NR3C2: variants seen among roughly 807,000 people sequenced by gnomAD.
NR3C2 encodes the protein nuclear receptor subfamily 3 group C member 2, also known as mineralocorticoid receptor.
Under a neutral mutation model 86.4 loss-of-function variants are expected in NR3C2, and 15 were observed. That is an observed-to-expected ratio of 0.17 (90% confidence interval 0.12 to 0.27). The LOEUF is 0.27. Among genes scored for constraint, NR3C2 ranks in the 10% least tolerant of loss-of-function variants. The probability of loss-of-function intolerance (pLI) is 1.00; values close to 1 mark genes in which losing one functional copy is unlikely to be tolerated. For missense variants in NR3C2, 960 were observed against 1,195.6 expected, an observed-to-expected ratio of 0.80 and a Z score of 2.91; for synonymous variants, 458 against 450.5, an observed-to-expected ratio of 1.02 and a Z score of -0.21.
At chr4:148,344,492 G>C (rs7438918) in intron 2 of NR3C2, among the ~76,000 whole-genome samples, 106,342 of 152,004 alleles carry the variant, frequency 0.7, 38,224 homozygotes, top group African/African-American at 0.87. Context: ...ATACCAATAT[G>C]GTCCTCAAAG....
chr4:148,263,389 C>T (rs1277036093), intron 2 of NR3C2, among the ~76,000 whole-genome samples: 2 of 152,202 alleles, frequency 1.3e-5, no homozygotes, highest in African/African-American at 4.8e-5. Context: ...CCTGCTCAGT[C>T]CAGCTTTGCA....
Position 148,216,229 on chromosome 4 carries a change from C to T in NR3C2, c.1898-21367G>A, listed in dbSNP as rs899082726. ...ACAAAATATTTTTGACTCCCCACCACCCCCCCAACCATTTAGTTCCCAGTA... is the reference window on the plus strand; with the variant it reads ...ACAAAATATTTTTGACTCCCCACCATCCCCCCAACCATTTAGTTCCCAGTA... On this transcript the variant is annotated intron_variant, in intron 3 of 8. Transcript: ENST00000358102. Among the ~76,000 whole-genome samples the T allele has an allele frequency of 5.9e-5, 9 of 151,944 alleles. No individual in the cohort carries two copies. In the East Asian group the frequency reaches 1.5e-3, roughly 26 times the overall value.
chr4:148,386,409 T>C (rs1747264342), intron 2 of NR3C2, among the ~76,000 whole-genome samples: 1 of 152,190 alleles, frequency 6.6e-6, no homozygotes, highest in Admixed American at 6.5e-5. Flanking sequence ...AACCTGATGG[T>C]AATTTTTCAT....
At chr4:148,321,029 C>T (rs558213930) in intron 2 of NR3C2, among the ~76,000 whole-genome samples, 3,194 of 151,020 alleles carry the variant, frequency 0.021, 96 homozygotes, top group African/African-American at 0.074. Flanking sequence ...CTATAAATCT[C>T]CCTCTACACA....
intron 4 of NR3C2, among the ~76,000 whole-genome samples, chr4:148,190,564 T>C (rs1736148008): frequency 6.6e-6 from 1 of 152,252 alleles, no homozygotes; most frequent in Admixed American, 6.5e-5. Context: ...TTCCAAGGTA[T>C]AGTTTAAATC....
At chr4:148,226,911 G>C (rs550664874) in intron 3 of NR3C2, among the ~76,000 whole-genome samples, 2 of 152,220 alleles carry the variant, frequency 1.3e-5, no homozygotes, top group East Asian at 3.9e-4. Flanking sequence ...TCTTTGGGTA[G>C]TATTTTTAAT....
At position 148,185,230 on chromosome 4, in the gene NR3C2, G is replaced by A. The variant is rs1163600136; in HGVS notation, c.2014+9516C>T. ...CACAAAGAAAGGATAACTTGCCTGA[G>A]GTTACAAGGTCAGTGAGTGACAGAG... On this transcript the variant is annotated intron_variant, in intron 4 of 8. Coordinates refer to ENST00000358102, the MANE Select transcript of NR3C2 (RefSeq NM_000901.5). 5.9e-5 allele frequency among the ~76,000 whole-genome samples: 9 copies of A among 152,244 alleles called. No individual in the cohort carries two copies. In the South Asian group the frequency reaches 1.4e-3, roughly 24 times the overall value.
intron 2 of NR3C2, among the ~76,000 whole-genome samples, chr4:148,367,055 C>T (rs1235462310): frequency 6.6e-6 from 1 of 152,148 alleles, no homozygotes; most frequent in East Asian, 1.9e-4. Flanking sequence ...GTGTTACACT[C>T]TATAAACCCA....
At chr4:148,163,996 A>G (rs1734776805) in intron 4 of NR3C2, among the ~76,000 whole-genome samples, 1 of 152,218 alleles carries the variant, frequency 6.6e-6, no homozygotes, top group Non-Finnish European at 1.5e-5. Flanking sequence ...GGGGGTGAGA[A>G]GAGGATCGAC....
intron 2 of NR3C2, among the ~76,000 whole-genome samples, chr4:148,308,422 A>C (rs931332519): frequency 6.6e-6 from 1 of 152,062 alleles, no homozygotes; most frequent in African/African-American, 2.4e-5. Context: ...CCAGCATATA[A>C]AGTTGATGTA....
intron 4 of NR3C2, among the ~76,000 whole-genome samples, chr4:148,187,462 T>A (rs1323310381): frequency 6.6e-6 from 1 of 152,154 alleles, no homozygotes; most frequent in Non-Finnish European, 1.5e-5. Context: ...ATTAGTGATG[T>A]TGAGCATTTT....
chr4:148,176,868 A>G (rs965176619), intron 4 of NR3C2, among the ~76,000 whole-genome samples: 2 of 152,228 alleles, frequency 1.3e-5, no homozygotes, highest in Non-Finnish European at 2.9e-5. Flanking sequence ...TAATATGAAA[A>G]ATAATTATAT....
intron 4 of NR3C2, 56 bp downstream of exon 4, chr4:148,194,690 A>C: frequency 8.9e-7 from 1 of 1,120,408 alleles, no homozygotes; most frequent in Non-Finnish European, 1.3e-6. Context: ...CACAGATCTT[A>C]GTGCTGTTGC....
intron 6 of NR3C2, among the ~76,000 whole-genome samples, chr4:148,135,863 C>T (rs375986393): frequency 3.6e-4 from 55 of 150,782 alleles, no homozygotes; most frequent in African/African-American, 1.0e-3. Flanking sequence ...GAGACCATCC[C>T]GGCTAAAAAC....
chr4:148,351,433 G>A (rs551129217), intron 2 of NR3C2, among the ~76,000 whole-genome samples: 8 of 152,246 alleles, frequency 5.3e-5, no homozygotes, highest in East Asian at 1.9e-4. Flanking sequence ...GTGAGCCACC[G>A]CATCCAGCCT....
intron 2 of NR3C2, among the ~76,000 whole-genome samples, chr4:148,314,569 C>T (rs1028082963): frequency 1.3e-5 from 2 of 152,042 alleles, no homozygotes; most frequent in South Asian, 4.1e-4. Context: ...TTGAATAAAA[C>T]TGCATGCGTG....
rs576894657 is a variant in NR3C2 at position 148,342,238 on chromosome 4, C to T, written c.1758-82121G>A. 1.9e-4 allele frequency among the ~76,000 whole-genome samples: 29 copies of T among 152,162 alleles called. No individual in the cohort carries two copies. In the South Asian group the frequency reaches 2.3e-3, roughly 12 times the overall value. On this transcript the variant is annotated intron_variant, in intron 2 of 8. Transcript: ENST00000358102. ...TAGCGAAGTACGTGGCTTTTCTACA[C>T]GGCACAATAGTTCAAACTAGTACCA...
At chr4:148,185,165 G>A (rs1163289136) in intron 4 of NR3C2, among the ~76,000 whole-genome samples, 1 of 152,222 alleles carries the variant, frequency 6.6e-6, no homozygotes, top group Non-Finnish European at 1.5e-5. Flanking sequence ...TGAGAGGTAG[G>A]TATGCTGATC....
At chr4:148,416,347 G>A (rs945214108) in intron 2 of NR3C2, among the ~76,000 whole-genome samples, 1 of 152,126 alleles carries the variant, frequency 6.6e-6, no homozygotes, top group Non-Finnish European at 1.5e-5. Flanking sequence ...CTTACTATGG[G>A]ACAAGCACTT....
Sources: gnomAD v4.1 joint callset for allele counts (sites outside exome capture counted in the v4.1 genomes callset) on GRCh38, gnomAD v4.1.1 for gene constraint, MANE v1.5 for transcripts, NCBI Gene and HGNC (gene_info 2026-07-23, HGNC 2026-07-21) for gene names.